SPMIP6: variants seen among roughly 807,000 people sequenced by gnomAD.
The protein encoded by SPMIP6 is sperm microtubule inner protein 6.
At chr9:34,379,562 C>G in the SPMIP6 span, 10 of 1,223,028 alleles carry the variant, frequency 8.2e-6, no homozygotes, top group African/African-American at 5.9e-5. This position sits in a 1 kb window ranked among gnomAD's most constrained non-coding sequence, Gnocchi z 4.2. Flanking sequence ...GTTCTCATCC[C>G]GTCTACCAGA....
At chr9:34,388,839 C>T in the SPMIP6 span, among the ~76,000 whole-genome samples, 1 of 151,814 alleles carries the variant, frequency 6.6e-6, no homozygotes, top group African/African-American at 2.4e-5. Flanking sequence ...TAGTCCTTTA[C>T]TATTGGCACC....
At chr9:34,386,276 C>T in the SPMIP6 span, among the ~76,000 whole-genome samples, 1 of 152,070 alleles carries the variant, frequency 6.6e-6, no homozygotes, top group East Asian at 1.9e-4. Flanking sequence ...AAATGAAGGA[C>T]AGTGCTGGAG....
At chr9:34,388,495 T>C in the SPMIP6 span, among the ~76,000 whole-genome samples, 1 of 152,162 alleles carries the variant, frequency 6.6e-6, no homozygotes, top group Non-Finnish European at 1.5e-5. Context: ...ATTTTTGCCT[T>C]GGCCCTGTCC....
At chr9:34,383,042 A>G in the SPMIP6 span, among the ~76,000 whole-genome samples, 1 of 152,188 alleles carries the variant, frequency 6.6e-6, no homozygotes, top group Non-Finnish European at 1.5e-5. Context: ...AAACACTGAG[A>G]TGCAGCCCAT....
the SPMIP6 span, chr9:34,385,631 C>A: frequency 1.9e-6 from 3 of 1,611,168 alleles, no homozygotes; most frequent in East Asian, 2.2e-5. Context: ...AAGGGTGAGG[C>A]CTTACCTTCC....
the SPMIP6 span, chr9:34,379,177 C>T: frequency 6.2e-7 from 1 of 1,608,046 alleles, no homozygotes. The surrounding 1 kb of genome is among the most constrained non-coding windows in gnomAD (Gnocchi z 4.2). Flanking sequence ...TGACTTGTGT[C>T]CCATCTACAG....
the SPMIP6 span, chr9:34,380,677 G>T: frequency 6.5e-7 from 1 of 1,545,218 alleles, no homozygotes; most frequent in Non-Finnish European, 8.7e-7. Context: ...ACAGGGGTCG[G>T]GGACTTGGAG....
the SPMIP6 span, chr9:34,380,833 C>CG: frequency 3.3e-6 from 2 of 608,738 alleles, no homozygotes; most frequent in Non-Finnish European, 5.3e-6. Context: ...TGGAAGGGGG[C>CG]GGGGTTCTGG....
chr9:34,388,016 G>A, the SPMIP6 span, among the ~76,000 whole-genome samples: 1 of 152,026 alleles, frequency 6.6e-6, no homozygotes, highest in Non-Finnish European at 1.5e-5. Flanking sequence ...ATGGTACCCT[G>A]TCCTCAATTG....
chr9:34,394,681 G>C, the SPMIP6 span, among the ~76,000 whole-genome samples: 1 of 151,952 alleles, frequency 6.6e-6, no homozygotes, highest in African/African-American at 2.4e-5. Flanking sequence ...GGTGTGTGTT[G>C]GGGGGCAGAG....
the SPMIP6 span, among the ~76,000 whole-genome samples, chr9:34,392,098 G>C: frequency 1.3e-5 from 2 of 151,948 alleles, no homozygotes; most frequent in Non-Finnish European, 2.9e-5. This position sits in a 1 kb window ranked among gnomAD's most constrained non-coding sequence, Gnocchi z 4.6. Flanking sequence ...TTTGAGACAG[G>C]GTCTTACTTT....
chr9:34,397,675 G>A, the SPMIP6 span: 1 of 1,540,082 alleles, frequency 6.5e-7, no homozygotes, highest in Non-Finnish European at 8.7e-7. Flanking sequence ...TACCTGTCAA[G>A]GGCTCCTGCT....
At chr9:34,379,829 G>A in the SPMIP6 span, 1 of 900,730 alleles carries the variant, frequency 1.1e-6, no homozygotes, top group Non-Finnish European at 1.8e-6. The surrounding 1 kb of genome is among the most constrained non-coding windows in gnomAD (Gnocchi z 4.2). Flanking sequence ...TCAGGTGTCC[G>A]TCCCAAGGCT....
the SPMIP6 span, among the ~76,000 whole-genome samples, chr9:34,395,399 T>A: frequency 6.6e-6 from 1 of 152,262 alleles, no homozygotes; most frequent in Non-Finnish European, 1.5e-5. Context: ...CTGATCTTTG[T>A]CTAATAATGC....
the SPMIP6 span, among the ~76,000 whole-genome samples, chr9:34,387,506 C>G: frequency 1.3e-5 from 2 of 152,010 alleles, no homozygotes; most frequent in East Asian, 3.9e-4. Context: ...TTTCTCCGAG[C>G]TTTACACACA....
the SPMIP6 span, chr9:34,382,636 G>C: frequency 1.3e-6 from 1 of 749,810 alleles, no homozygotes; most frequent in African/African-American, 1.7e-5. Flanking sequence ...AGAGCTCTGG[G>C]GCATTTGTTG....
At chr9:34,389,056 C>T in the SPMIP6 span, among the ~76,000 whole-genome samples, 8 of 151,506 alleles carry the variant, frequency 5.3e-5, no homozygotes, top group African/African-American at 1.7e-4. Flanking sequence ...CTTAGCCTAC[C>T]GAATAGCTGG....
chr9:34,389,270 G>T, the SPMIP6 span, among the ~76,000 whole-genome samples: 1 of 151,908 alleles, frequency 6.6e-6, no homozygotes, highest in African/African-American at 2.4e-5. Context: ...CTTCTTGTGT[G>T]GTCAGTGCTT....
At chr9:34,386,785 T>C in the SPMIP6 span, among the ~76,000 whole-genome samples, 1 of 152,128 alleles carries the variant, frequency 6.6e-6, no homozygotes, top group East Asian at 1.9e-4. Flanking sequence ...ACTTACCCTG[T>C]CACTTCTTGT....
Sources: gnomAD v4.1 joint callset for allele counts (sites outside exome capture counted in the v4.1 genomes callset) on GRCh38, gnomAD v4.1.1 for gene constraint, Gnocchi (gnomAD v3.1) non-coding constraint, MANE v1.5 for transcripts, NCBI Gene and HGNC (gene_info 2026-07-23, HGNC 2026-07-21) for gene names.